TCF25: variants seen among roughly 807,000 people sequenced by gnomAD.
TCF25 encodes ribosome quality control complex subunit TCF25.
In TCF25, 41 loss-of-function variants were observed where a neutral mutation model predicts 83.1. The ratio of observed to expected loss-of-function variants is 0.49; its 90% CI spans 0.38 to 0.64. The LOEUF (loss-of-function observed/expected upper bound fraction) is 0.64, where lower values mean the gene tolerates loss of function less well. Among genes scored for constraint, TCF25 ranks in the 30% least tolerant of loss-of-function variants. The probability of loss-of-function intolerance (pLI) is 0.00; values close to 1 mark genes in which losing one functional copy is unlikely to be tolerated. For synonymous variants in TCF25, 458 were observed against 365.0 expected, an observed-to-expected ratio of 1.25 and a Z score of -2.90; for missense variants, 979 against 914.5, an observed-to-expected ratio of 1.07 and a Z score of -0.91.
At position 89,892,045 on chromosome 16, in the gene TCF25, C is replaced by G. The variant is rs926602679; in HGVS notation, c.615-148C>G. 14 of 634,528 alleles carry G rather than the reference C, an allele frequency of 2.2e-5. No homozygotes were observed. The African/African-American group carries it at 2.5e-4, about 11-fold the overall frequency. The allele number at this position is 634,528 out of a possible 1,614,324, so 39.3% of individuals were successfully genotyped here. On this transcript the variant is annotated intron_variant, in intron 5 of 17. Transcript: ENST00000263346. ...AGCAGTTGCTGACGCTTGTTTGCATCCTGTCCTTAATGCGTCCCCACCCTG... is the reference window on the plus strand; with the variant it reads ...AGCAGTTGCTGACGCTTGTTTGCATGCTGTCCTTAATGCGTCCCCACCCTG...
At chr16:89,900,253 GC>G (rs1187750922) in intron 11 of TCF25, among the ~76,000 whole-genome samples, 2 of 140,124 alleles carry the variant, frequency 1.4e-5, no homozygotes, top group Non-Finnish European at 3.3e-5. Context: ...TCGGAAACTC[GC>G]GCGGCAGTGG....
chr16:89,873,875 G>C lies in TCF25; in HGVS notation c.192+16G>C. 1 of 1,472,700 alleles carries C rather than the reference G, an allele frequency of 6.8e-7. No individual in the cohort carries two copies. The allele number at this position is 1,472,700 out of a possible 1,614,324, so 91.2% of individuals were successfully genotyped here. On this transcript the variant is annotated intron_variant, in intron 1 of 17. Coordinates refer to ENST00000263346, the MANE Select transcript of TCF25 (RefSeq NM_014972.3). ...CTTCGAGCTGGTGAGGAGCGCGGCG[G>C]CCCGGGTGGGGGTGGGGTGGCCCTT...
At chr16:89,891,719 T>C (rs11642451) in intron 5 of TCF25, among the ~76,000 whole-genome samples, 11,375 of 152,268 alleles carry the variant, frequency 0.075, 632 homozygotes, top group East Asian at 0.26. Flanking sequence ...TGGATATTAG[T>C]ACGTTGTTCT....
intron 12 of TCF25, among the ~76,000 whole-genome samples, chr16:89,901,450 T>C (rs1293550433): frequency 6.7e-6 from 1 of 149,632 alleles, no homozygotes; most frequent in Non-Finnish European, 1.5e-5. Flanking sequence ...AATCCCTCCT[T>C]AAGACGGGCC....
In TCF25 at chr16:89,894,957, A is replaced by C. The variant is rs2043735640; in HGVS notation, c.829-81A>C. The C allele has an allele frequency of 1.3e-5, 17 of 1,316,058 alleles. No individual in the cohort carries two copies. In the South Asian group the frequency reaches 2.1e-4, roughly 16 times the overall value. The allele number at this position is 1,316,058 out of a possible 1,614,324, so 81.5% of individuals were successfully genotyped here. ...ACTGCGCCCAGCCTCCGCTGGTTTT[A>C]AATGTCTGAAAAAAAGGCATGCCTG... On this transcript the variant is annotated intron_variant, in intron 7 of 17. Coordinates refer to ENST00000263346, the MANE Select transcript of TCF25 (RefSeq NM_014972.3).
chr16:89,875,458 A>G (rs1196090226), intron 1 of TCF25, among the ~76,000 whole-genome samples: 1 of 137,840 alleles, frequency 7.3e-6, no homozygotes, highest in Non-Finnish European at 1.5e-5. Flanking sequence ...CACTTTTCTC[A>G]TTGTTACACA....
chr16:89,911,032 A>G, intron 17 of TCF25, 48 bp from the exon 18 acceptor site: 1 of 1,602,038 alleles, frequency 6.2e-7, no homozygotes, highest in Non-Finnish European at 8.5e-7. Flanking sequence ...CCGGGCCCCT[A>G]GTCCCAGCAC....
At chr16:89,880,576 T>C (rs1163938914) in intron 1 of TCF25, among the ~76,000 whole-genome samples, 1 of 148,834 alleles carries the variant, frequency 6.7e-6, no homozygotes, top group Non-Finnish European at 1.5e-5. Flanking sequence ...AGAGCAAGAC[T>C]CCATCTCAAA....
Position 89,898,570 on chromosome 16 carries a change from G to A in TCF25, c.1036G>A (p.Ala346Thr). 3 of 1,613,026 alleles carry A rather than the reference G, an allele frequency of 1.9e-6. No individual in the cohort carries two copies. The highest frequency in any genetic ancestry group is 2.5e-6 in the Non-Finnish European group (3 of 1,180,024). The part of the protein sequence containing the change: ...RRPENRSFYL[A>T]LYKQMSFLEK... ...TTTTGGATCTAGGAGCTTCTACCTGGCCCTCTACAAGCAGATGAGCTTCCT... is the reference window on the plus strand; with the variant it reads ...TTTTGGATCTAGGAGCTTCTACCTGACCCTCTACAAGCAGATGAGCTTCCT... The change falls in exon 10 of 18, where the codon GCC becomes ACC. Residue 346 changes from alanine to threonine, a missense_variant. Physicochemically the swap from Ala to Thr is moderately conservative, Grantham distance 58. Transcript: ENST00000263346.
At chr16:89,906,619 C>T (rs997057806) in intron 15 of TCF25, among the ~76,000 whole-genome samples, 2 of 152,150 alleles carry the variant, frequency 1.3e-5, no homozygotes, top group African/African-American at 4.8e-5. Context: ...TCTGACGCCT[C>T]CTGTGCTGGA....
At chr16:89,897,652 G>A (rs1235874722) in intron 9 of TCF25, among the ~76,000 whole-genome samples, 1 of 152,228 alleles carries the variant, frequency 6.6e-6, no homozygotes, top group Non-Finnish European at 1.5e-5. Flanking sequence ...GAGACAGTGG[G>A]CTGTTGATGG....
intron 16 of TCF25, among the ~76,000 whole-genome samples, chr16:89,908,696 C>T (rs1367202543): frequency 2.1e-5 from 1 of 47,492 alleles, no homozygotes; most frequent in Non-Finnish European, 4.0e-5. Flanking sequence ...CCACCTCCCG[C>T]CTCCCAGCTC....
chr16:89,895,190 A>G, intron 8 of TCF25, 53 bp downstream of exon 8: 2 of 1,513,186 alleles, frequency 1.3e-6, no homozygotes, highest in Non-Finnish European at 1.8e-6. Context: ...ACCTCAAGCT[A>G]TCAAGACAGA....
In TCF25 at chr16:89,907,325, A is replaced by T. The variant is rs1276645606; in HGVS notation, c.1799+3A>T. 6.4e-7 allele frequency: 1 copy of T among 1,572,718 alleles called. No individual in the cohort carries two copies. The highest frequency in any genetic ancestry group is 8.6e-7 in the Non-Finnish European group (1 of 1,156,370). On this transcript the variant is annotated splice_donor_region_variant and intron_variant, in intron 16 of 17. Transcript: ENST00000263346. ...TACTCCTACGTCAGGCCAGAGAGGT[A>T]CCTCCCTCCTTCCAGTTCCCACCTC...
chr16:89,899,729 A>AG (rs1435700732), intron 11 of TCF25, among the ~76,000 whole-genome samples: 1 of 129,008 alleles, frequency 7.8e-6, no homozygotes, highest in African/African-American at 3.6e-5. Context: ...ACTCCGTCTC[A>AG]AAAAAAAAAA....
intron 1 of TCF25, among the ~76,000 whole-genome samples, chr16:89,878,869 C>T (rs1184473793): frequency 6.6e-6 from 1 of 152,192 alleles, no homozygotes; most frequent in African/African-American, 2.4e-5. Context: ...TCTTGATCTC[C>T]TGACCTCGCC....
At chr16:89,903,475 A>G (rs1376012441) in intron 12 of TCF25, among the ~76,000 whole-genome samples, 1 of 151,968 alleles carries the variant, frequency 6.6e-6, no homozygotes, top group East Asian at 1.9e-4. Context: ...GTTCGAGACC[A>G]GCCTGGTCAA....
chr16:89,909,069 CG>C (rs2045325789), intron 16 of TCF25: 1 of 1,289,392 alleles, frequency 7.8e-7, no homozygotes, highest in Non-Finnish European at 1.0e-6. Flanking sequence ...GCTTGCGTGT[CG>C]GCCTCTGTGG....
intron 12 of TCF25, among the ~76,000 whole-genome samples, 153 bp from the exon 13 acceptor site, chr16:89,903,965 C>T (rs2044563688): frequency 6.6e-6 from 1 of 152,200 alleles, no homozygotes; most frequent in African/African-American, 2.4e-5. Flanking sequence ...CTCAGAATAC[C>T]ACCCGGAAGC....
Sources: gnomAD v4.1 joint callset for allele counts (sites outside exome capture counted in the v4.1 genomes callset) on GRCh38, gnomAD v4.1.1 for gene constraint, MANE v1.5 for transcripts, NCBI Gene and HGNC (gene_info 2026-07-23, HGNC 2026-07-21) for gene names.